The following ZNRF3 variants were observed in gnomAD, a reference collection of about 807,000 sequenced individuals.
ZNRF3 encodes the protein E3 ubiquitin-protein ligase ZNRF3.
Under a neutral mutation model 72.5 loss-of-function variants are expected in ZNRF3, and 23 were observed. The observed-to-expected ratio is 0.32, with a 90% confidence interval of 0.23 to 0.45. The LOEUF is 0.45. Ranked by LOEUF, ZNRF3 falls within the 20% of genes least tolerant of loss-of-function variation. ZNRF3 has a pLI of 1.00. For missense variants in ZNRF3, 1,169 were observed against 1,272.1 expected, an observed-to-expected ratio of 0.92 and a Z score of 1.23; for synonymous variants, 610 against 545.3, an observed-to-expected ratio of 1.12 and a Z score of -1.65.
chr22:29,031,569 C>G, intron 2 of ZNRF3: 1 of 985,466 alleles, frequency 1.0e-6, no homozygotes, highest in Non-Finnish European at 1.2e-6. Context: ...GTTCAAGAGC[C>G]TGGTGCCTGG....
chr22:29,031,831 G>A (rs1453824604), intron 2 of ZNRF3, among the ~76,000 whole-genome samples: 1 of 152,160 alleles, frequency 6.6e-6, no homozygotes, highest in Non-Finnish European at 1.5e-5. Flanking sequence ...AGCAGGCCTG[G>A]TGGCGGCAAC....
intron 2 of ZNRF3, 39 bp downstream of exon 2, chr22:28,987,240 G>T: frequency 6.3e-7 from 1 of 1,585,318 alleles, no homozygotes; most frequent in African/African-American, 1.4e-5. Flanking sequence ...GTTTCTGGTT[G>T]GTGTTTTCCA....
chr22:28,973,395 CCTACTTTTTG>C (rs2123815266), intron 1 of ZNRF3, among the ~76,000 whole-genome samples: 1 of 152,090 alleles, frequency 6.6e-6, no homozygotes, highest in East Asian at 1.9e-4. Context: ...TGTCTATTGC[CCTACTTTTTG>C]CATGAGAGGT....
chr22:28,933,771 C>CTT, intron 1 of ZNRF3, among the ~76,000 whole-genome samples: 1 of 134,588 alleles, frequency 7.4e-6, no homozygotes, highest in Non-Finnish European at 1.6e-5. Context: ...CTCTCTCTCT[C>CTT]TCTCTCTCCC....
At chr22:28,887,173 C>T (rs1023888772) in intron 1 of ZNRF3, among the ~76,000 whole-genome samples, 3 of 150,770 alleles carry the variant, frequency 2.0e-5, no homozygotes, top group African/African-American at 2.4e-5. Context: ...ATAAGGAATT[C>T]GTTTGTATTA....
chr22:29,004,847 A>T (rs2036213355), intron 2 of ZNRF3, among the ~76,000 whole-genome samples: 2 of 152,150 alleles, frequency 1.3e-5, no homozygotes, highest in Non-Finnish European at 1.5e-5. Flanking sequence ...TGATCTGATG[A>T]GGTGCTGAAT....
In ZNRF3 at chr22:29,049,415, A is replaced by T. The variant is rs1271140035; in HGVS notation, c.1234A>T (p.Thr412Ser). ...HGEQSLYSPQ[T>S]PAYIRSYPPL... ...GGAGCAGAGCCTCTATTCCCCGCAG[A>T]CCCCCGCCTACATCCGCAGCTACCC... is the stretch of plus-strand genomic sequence containing the variant. The change falls in exon 8 of 9, where the codon ACC becomes TCC. Residue 412 changes from threonine (T) to serine (S), a missense_variant. Physicochemically the swap from Thr to Ser is moderately conservative, Grantham distance 58 (BLOSUM62 1). Around this residue, in one of 2 missense-constraint regions of ZNRF3, gnomAD observed 783 missense variants for 731.4 expected, o/e 1.07. Transcript: ENST00000544604. The surrounding 1 kb of genome is among the most constrained non-coding windows in gnomAD (Gnocchi z 5.2). 1.2e-6 allele frequency: 2 copies of T among 1,606,728 alleles called. No homozygotes were observed. The highest frequency in any genetic ancestry group is 3.3e-5 in the Admixed American group (2 of 59,822).
chr22:28,888,648 C>T (rs1424709653), intron 1 of ZNRF3, among the ~76,000 whole-genome samples: 1 of 152,166 alleles, frequency 6.6e-6, no homozygotes, highest in African/African-American at 2.4e-5. Flanking sequence ...TGATGGTTTC[C>T]TCTTATTTAT....
At chr22:28,930,826 C>A (rs914101560) in intron 1 of ZNRF3, among the ~76,000 whole-genome samples, 1 of 152,202 alleles carries the variant, frequency 6.6e-6, no homozygotes, top group African/African-American at 2.4e-5. Context: ...GGGCCTTGCT[C>A]AATGCAAATT....
intron 1 of ZNRF3, among the ~76,000 whole-genome samples, chr22:28,953,546 C>G (rs1018009880): frequency 6.6e-6 from 1 of 152,158 alleles, no homozygotes; most frequent in Non-Finnish European, 1.5e-5. Context: ...ACTCTGGAGA[C>G]TGGAATATGA....
At chr22:28,995,756 C>G (rs146364155) in intron 2 of ZNRF3, among the ~76,000 whole-genome samples, 1 of 151,584 alleles carries the variant, frequency 6.6e-6, no homozygotes, top group Admixed American at 6.6e-5. Flanking sequence ...TTTCTAGGAG[C>G]ACCCACAGGA....
intron 2 of ZNRF3, among the ~76,000 whole-genome samples, chr22:29,008,224 G>T (rs1267753474): frequency 6.6e-6 from 1 of 152,182 alleles, no homozygotes; most frequent in Non-Finnish European, 1.5e-5. Context: ...TTACTAGTGA[G>T]AGTAGAAGAT....
intron 2 of ZNRF3, among the ~76,000 whole-genome samples, chr22:29,029,372 A>T (rs2036703804): frequency 6.6e-6 from 1 of 152,236 alleles, no homozygotes; most frequent in African/African-American, 2.4e-5. Context: ...TAATCAAAAT[A>T]ATCTTCTGCC....
At chr22:28,981,768 G>T (rs1438025187) in intron 1 of ZNRF3, among the ~76,000 whole-genome samples, 1 of 152,112 alleles carries the variant, frequency 6.6e-6, no homozygotes, top group Non-Finnish European at 1.5e-5. Context: ...AGTCCAAGGC[G>T]GGTGGATCAC....
chr22:28,949,357 C>G (rs1057323254), intron 1 of ZNRF3, among the ~76,000 whole-genome samples: 4 of 152,294 alleles, frequency 2.6e-5, no homozygotes. Context: ...TCACTGCAGC[C>G]TCTACCTCCT....
intron 1 of ZNRF3, among the ~76,000 whole-genome samples, chr22:28,926,081 G>A (rs1352507085): frequency 6.6e-6 from 1 of 152,186 alleles, no homozygotes; most frequent in Admixed American, 6.5e-5. Flanking sequence ...TTGCTATGGA[G>A]ACCCTGTTGT....
chr22:28,930,626 G>T (rs980953507), intron 1 of ZNRF3, among the ~76,000 whole-genome samples: 2 of 152,212 alleles, frequency 1.3e-5, no homozygotes, highest in African/African-American at 4.8e-5. Context: ...TATCTTGCAG[G>T]TTACACACAG....
At chr22:28,999,631 T>C (rs1461284986) in intron 2 of ZNRF3, among the ~76,000 whole-genome samples, 1 of 152,198 alleles carries the variant, frequency 6.6e-6, no homozygotes, top group Admixed American at 6.5e-5. Flanking sequence ...AGGCCTCATA[T>C]ACATCTGGCC....
Position 28,884,037 on chromosome 22 carries a change from A to G in ZNRF3, c.271A>G (p.Thr91Ala), listed in dbSNP as rs1179476488. ...GGGCCGCTTCTCGCGGGCCGGGGCC[A>G]CGCTCAGCGCCGAGGGCGAGATCGT... is the stretch of plus-strand genomic sequence containing the variant. The part of the protein sequence containing the change: ...LTGRFSRAGA[T>A]LSAEGEIVQM... The change falls in exon 1 of 9, where the codon ACG becomes GCG. Residue 91 changes from threonine to alanine, a missense_variant. Physicochemically the swap from Thr to Ala is moderately conservative, Grantham distance 58. Coordinates refer to ENST00000544604, the MANE Select transcript of ZNRF3 (RefSeq NM_001206998.2). 2.3e-6 allele frequency: 3 copies of G among 1,278,210 alleles called. No homozygotes were observed. The highest frequency in any genetic ancestry group is 3.0e-6 in the Non-Finnish European group (3 of 992,980). 79.2% of individuals were successfully genotyped at this position (1,278,210 alleles called of 1,614,324 possible).
Sources: gnomAD v4.1 joint callset for allele counts (sites outside exome capture counted in the v4.1 genomes callset) on GRCh38, gnomAD v4.1.1 for gene constraint, gnomAD v4.1.1 regional missense constraint, Gnocchi (gnomAD v3.1) non-coding constraint, MANE v1.5 for transcripts, NCBI Gene and HGNC (gene_info 2026-07-23, HGNC 2026-07-21) for gene names.